Variants in ASXL3 observed in about 807,000 individuals in gnomAD.
ASXL3 encodes the protein putative Polycomb group protein ASXL3.
In ASXL3, 34 loss-of-function variants were observed where a neutral mutation model predicts 170.6. The ratio of observed to expected loss-of-function variants is 0.20; its 90% CI spans 0.15 to 0.27. ASXL3 has a LOEUF of 0.27. ASXL3 is among the 10% of genes least tolerant of loss of function. The probability of loss-of-function intolerance (pLI) is 1.00; values close to 1 mark genes in which losing one functional copy is unlikely to be tolerated. For synonymous variants in ASXL3, 1,002 were observed against 989.1 expected (o/e 1.01, Z -0.24); for missense variants, 2,592 against 2,695.3 (o/e 0.96, Z 0.85).
chr18:33,635,173 A>G (rs531742071), intron 2 of ASXL3, among the ~76,000 whole-genome samples: 1 of 152,290 alleles, frequency 6.6e-6, no homozygotes, highest in South Asian at 2.1e-4. Context: ...TTAACCAGAA[A>G]TGGATTAATA....
At chr18:33,623,168 C>A (rs1388138851) in intron 2 of ASXL3, among the ~76,000 whole-genome samples, 1 of 152,144 alleles carries the variant, frequency 6.6e-6, no homozygotes, top group Admixed American at 6.6e-5. Context: ...TTCTTTCACT[C>A]CTTTAGCTTC....
chr18:33,656,499 A>G (rs1568308337), intron 4 of ASXL3, among the ~76,000 whole-genome samples: 1 of 152,116 alleles, frequency 6.6e-6, no homozygotes, highest in Non-Finnish European at 1.5e-5. Context: ...CAGAGACTAT[A>G]TAATGTACAG....
At chr18:33,608,607 A>G (rs981744134) in intron 2 of ASXL3, among the ~76,000 whole-genome samples, 13 of 152,010 alleles carry the variant, frequency 8.6e-5, no homozygotes, top group African/African-American at 3.1e-4. Flanking sequence ...TAAAACAACT[A>G]TGATGTTGTC....
intron 2 of ASXL3, among the ~76,000 whole-genome samples, chr18:33,625,014 A>G (rs182739726): frequency 6.6e-6 from 1 of 152,236 alleles, no homozygotes; most frequent in Non-Finnish European, 1.5e-5. Context: ...CTAATGCTTT[A>G]GCCTCTGTTG....
In ASXL3 at chr18:33,743,152, A is replaced by G. The variant is rs2067694315; in HGVS notation, c.3304A>G (p.Ile1102Val). The G allele has an allele frequency of 1.2e-6, 2 of 1,613,954 alleles. No individual in the cohort carries two copies. The change falls in exon 12 of 12, where the codon ATC becomes GTC. Residue 1102 changes from isoleucine to valine, a missense_variant. Ile to Val is a conservative substitution (Grantham distance 29). Transcript: ENST00000269197. ...EGGKTRTLAH[I>V]KEQTKAKLFA... is the part of the protein sequence containing the mutation. ...TGGAAAGACGAGAACTCTGGCACAC[A>G]TCAAAGAGCAGACAAAGGCTAAGCT...
intron 1 of ASXL3, among the ~76,000 whole-genome samples, chr18:33,602,553 G>A (rs755510197): frequency 6.6e-6 from 1 of 152,108 alleles, no homozygotes. Flanking sequence ...AGTAGAAATA[G>A]GGAATGTTAA....
rs1277734031 is a variant in ASXL3 at position 33,739,465 on chromosome 18, T to C, written c.2061T>C (p.Pro687=). 2 of 1,613,864 alleles carry C rather than the reference T, an allele frequency of 1.2e-6. No individual in the cohort carries two copies. Among genetic ancestry groups the C allele is most frequent in the Non-Finnish European group, 1.7e-6 (2 of 1,179,892 alleles). ...AAATATCTCCAATATCCACTTCACC[T>C]GAAATATCAGAAGCATCTCTTATGT... ...MSEISPISTS[P]EISEASLMSN... Residue 687 remains proline, a synonymous_variant, in exon 11 of 12, where the codon CCT becomes CCC. Coordinates refer to ENST00000269197, the MANE Select transcript of ASXL3 (RefSeq NM_030632.3).
chr18:33,736,003 TATTTC>T (rs113102039), intron 10 of ASXL3, among the ~76,000 whole-genome samples: 89,767 of 151,304 alleles, frequency 0.59, 27,838 homozygotes, highest in East Asian at 0.9. Context: ...GCTTTGCAAA[TATTTC>T]ATTTAATCCT....
intron 2 of ASXL3, among the ~76,000 whole-genome samples, 186 bp downstream of exon 2, chr18:33,607,862 A>C (rs1475984534): frequency 6.6e-6 from 1 of 152,012 alleles, no homozygotes; most frequent in Non-Finnish European, 1.5e-5. Context: ...TTACCTTAAT[A>C]CATTACGTTA....
intron 2 of ASXL3, among the ~76,000 whole-genome samples, chr18:33,634,329 CT>C (rs879705294): frequency 3.5e-3 from 482 of 137,682 alleles, no homozygotes; most frequent in Middle Eastern, 3.7e-3. Flanking sequence ...ATAGTTGCTT[CT>C]TTTTTTTTTT....
At chr18:33,582,815 C>G (rs2145088324) in intron 1 of ASXL3, among the ~76,000 whole-genome samples, 1 of 151,614 alleles carries the variant, frequency 6.6e-6, no homozygotes, top group African/African-American at 2.4e-5. Context: ...TGGAAGAAAA[C>G]AGGCACATAA....
Position 33,604,646 on chromosome 18 carries a change from C to CT in ASXL3, c.55-2946dup, listed in dbSNP as rs371252658. ...CGTTATGCAGTTTCTTCTGGAGACT[C>CT]TTAAAATTCCCAGAAGTGCCGTTAG... is the stretch of plus-strand genomic sequence containing the variant. On this transcript the variant is annotated intron_variant, in intron 1 of 11. Coordinates refer to ENST00000269197, the MANE Select transcript of ASXL3 (RefSeq NM_030632.3). Among the ~76,000 whole-genome samples the CT allele has an allele frequency of 3.8e-3, 582 of 152,092 alleles. 4 individuals carry two copies. The highest frequency in any genetic ancestry group is 0.014 in the African/African-American group (565 of 41,526).
At chr18:33,585,725 C>A (rs1208270941) in intron 1 of ASXL3, among the ~76,000 whole-genome samples, 1 of 152,156 alleles carries the variant, frequency 6.6e-6, no homozygotes, top group Non-Finnish European at 1.5e-5. Context: ...AAGGCCTTAG[C>A]TTTGGAGGAA....
chr18:33,683,493 T>C lies in ASXL3; in HGVS notation c.804T>C (p.Asn268=), dbSNP rs1237203324. The change falls in exon 8 of 12, where the codon AAT becomes AAC. Residue 268 remains asparagine, a synonymous_variant. Transcript: ENST00000269197. ...LVNTNLRALI[N]KHTFASLPQH... ...ACACTAACTTGAGGGCATTAATAAA[T>C]AAACATACGTTTGCTTCCTTACCTC... The C allele has an allele frequency of 1.9e-6, 3 of 1,613,650 alleles. No homozygotes were observed. Among genetic ancestry groups the C allele is most frequent in the Non-Finnish European group, 2.5e-6 (3 of 1,179,724 alleles).
chr18:33,691,423 G>A (rs1029849703), intron 8 of ASXL3, among the ~76,000 whole-genome samples: 2 of 152,200 alleles, frequency 1.3e-5, no homozygotes, highest in East Asian at 3.8e-4. Flanking sequence ...AGGAGCTGTT[G>A]TGGCTGCTAA....
intron 8 of ASXL3, among the ~76,000 whole-genome samples, chr18:33,708,913 T>C (rs1205056292): frequency 6.6e-6 from 1 of 152,214 alleles, no homozygotes; most frequent in African/African-American, 2.4e-5. Context: ...AGTTATATTA[T>C]GATTGAACAA....
intron 7 of ASXL3, among the ~76,000 whole-genome samples, chr18:33,681,842 C>T (rs1384217868): frequency 6.6e-6 from 1 of 152,000 alleles, no homozygotes; most frequent in African/African-American, 2.4e-5. Context: ...TTCCCTATCA[C>T]ATTTTGACTC....
rs567969303 is a variant in ASXL3 at position 33,590,111 on chromosome 18, G to GTTTTTTTTTTTTTTTTT, written c.54+11429_54+11445dup. Among the ~76,000 whole-genome samples, 380 of 82,982 alleles carry GTTTTTTTTTTTTTTTTT rather than the reference G, an allele frequency of 4.6e-3. 11 individuals carry two copies. Among genetic ancestry groups the GTTTTTTTTTTTTTTTTT allele is most frequent in the African/African-American group, 0.017 (246 of 14,442 alleles). 54.4% of individuals were successfully genotyped at this position (82,982 alleles called of 152,430 possible). A position where few individuals can be genotyped will look rare whatever the true frequency, so the allele number is the denominator to read the frequency against. On this transcript the variant is annotated intron_variant, in intron 1 of 11. Coordinates refer to ENST00000269197, the MANE Select transcript of ASXL3 (RefSeq NM_030632.3). ...TGTCGTCAAGGTATTTGCTTTCTAT[G>GTTTTTTTTTTTTTTTTT]TTTTTTTTTTTTTTTTTTTGCTTTG...
intron 7 of ASXL3, among the ~76,000 whole-genome samples, chr18:33,674,212 A>G (rs1369809594): frequency 6.6e-6 from 1 of 152,234 alleles, no homozygotes; most frequent in Non-Finnish European, 1.5e-5. Flanking sequence ...ATGTCAAATC[A>G]TCTAACCTAT....
Sources: allele counts gnomAD v4.1 joint callset (sites outside exome capture counted in the v4.1 genomes callset), GRCh38; gene constraint gnomAD v4.1.1; transcripts MANE v1.5; gene names NCBI Gene and HGNC (gene_info 2026-07-23, HGNC 2026-07-21).